ABCC5: variants seen among roughly 807,000 people sequenced by gnomAD.
ABCC5 encodes ATP binding cassette subfamily C member 5, also known as ATP-binding cassette sub-family C member 5.
A neutral mutation model predicts 160.9 loss-of-function variants in ABCC5; 61 were observed. That is an observed-to-expected ratio of 0.38 (90% CI 0.31 to 0.47). The LOEUF is 0.47. ABCC5 is among the 20% of genes least tolerant of loss of function. The probability of loss-of-function intolerance (pLI) is 0.99; values close to 1 mark genes in which losing one functional copy is unlikely to be tolerated. For missense variants in ABCC5, 1,308 were observed against 1,813.3 expected (o/e 0.72, Z 5.06); for synonymous variants, 666 against 700.6 (o/e 0.95, Z 0.78).
At chr3:183,974,440 C>G (rs983711835) in intron 10 of ABCC5, among the ~76,000 whole-genome samples, 7 of 152,230 alleles carry the variant, frequency 4.6e-5, no homozygotes, top group Middle Eastern at 3.4e-3. Context: ...TCCTGAGTAG[C>G]TGGGATTACA....
At chr3:183,955,017 T>C (rs763872278) in intron 17 of ABCC5, among the ~76,000 whole-genome samples, 2 of 151,958 alleles carry the variant, frequency 1.3e-5, no homozygotes, top group Non-Finnish European at 2.9e-5. Flanking sequence ...GAGTTGAAAT[T>C]AGCTTGAGTG....
intron 26 of ABCC5, among the ~76,000 whole-genome samples, chr3:183,936,741 C>G (rs1713763047): frequency 6.6e-6 from 1 of 152,200 alleles, no homozygotes; most frequent in Non-Finnish European, 1.5e-5. Context: ...ATCTCCTGAC[C>G]TCGTGATCCG....
intron 25 of ABCC5, among the ~76,000 whole-genome samples, chr3:183,939,411 C>T (rs1010105480): frequency 8.5e-5 from 13 of 152,060 alleles, no homozygotes; most frequent in African/African-American, 2.4e-4. Flanking sequence ...CCAGCCTGGG[C>T]GACAGAACGA....
intron 1 of ABCC5, among the ~76,000 whole-genome samples, chr3:184,016,359 G>C (rs370145819): frequency 2.0e-5 from 3 of 152,294 alleles, no homozygotes. Flanking sequence ...AGAGCAGGCA[G>C]GCCCAAAGTA....
At position 183,989,395 on chromosome 3, in the gene ABCC5, G is replaced by A. The variant is rs527520930; in HGVS notation, c.130-12C>T. 26 of 1,613,396 alleles carry A rather than the reference G, an allele frequency of 1.6e-5. No individual in the cohort carries two copies. The South Asian group carries it at 2.1e-4, about 13-fold the overall frequency. ...TCTTGGCATTCCAACTGTTCCAGCA[G>A]ATAGGGAGAAAGGCAAGAGCACAGT... On this transcript the variant is annotated splice_polypyrimidine_tract_variant and intron_variant, in intron 2 of 29. Transcript: ENST00000334444.
intron 22 of ABCC5, among the ~76,000 whole-genome samples, chr3:183,948,896 G>C (rs1715086168): frequency 6.6e-6 from 1 of 151,842 alleles, no homozygotes; most frequent in Non-Finnish European, 1.5e-5. Flanking sequence ...TAGAGACAAG[G>C]TTCCACCATG....
chr3:183,987,468 G>A lies in ABCC5; in HGVS notation c.591+302C>T. The A allele has an allele frequency of 1.7e-6, 1 of 595,546 alleles. No homozygotes were observed. 36.9% of individuals were successfully genotyped at this position (595,546 alleles called of 1,614,324 possible). ...ATAGCACTGCAAGACACATCTGCCT[G>A]CACCGACTGTCAGTTCATGTTAACA... On this transcript the variant is annotated intron_variant, in intron 5 of 29. Transcript: ENST00000334444. This position sits in a 1 kb window ranked among gnomAD's most constrained non-coding sequence, Gnocchi z 4.2.
At chr3:184,001,384 T>C in intron 2 of ABCC5, 1 of 420,690 alleles carries the variant, frequency 2.4e-6, no homozygotes, top group Non-Finnish European at 4.2e-6. Flanking sequence ...GTATTTCTTT[T>C]TTCGTACTAA....
intron 2 of ABCC5, among the ~76,000 whole-genome samples, chr3:183,991,311 AAAAAAC>A (rs1719746632): frequency 6.6e-6 from 1 of 151,702 alleles, no homozygotes; most frequent in Admixed American, 6.6e-5. Flanking sequence ...AGAAGGAAAA[AAAAAAC>A]AAAAAACAAA....
At chr3:183,936,155 A>G (rs1236489771) in intron 26 of ABCC5, among the ~76,000 whole-genome samples, 1 of 152,134 alleles carries the variant, frequency 6.6e-6, no homozygotes, top group African/African-American at 2.4e-5. Context: ...TTCCGCGGGC[A>G]CACACCACAG....
Position 183,988,449 on chromosome 3 carries a change from G to A in ABCC5, c.443+123C>T. 8.1e-7 allele frequency: 1 copy of A among 1,241,586 alleles called. No homozygotes were observed. The allele number at this position is 1,241,586 out of a possible 1,614,324, so 76.9% of individuals were successfully genotyped here. A position where few individuals can be genotyped will look rare whatever the true frequency, so the allele number is the denominator to read the frequency against. On this transcript the variant is annotated intron_variant, in intron 4 of 29. Transcript: ENST00000334444. The surrounding 1 kb of genome is among the most constrained non-coding windows in gnomAD (Gnocchi z 4.4). ...AAGAGCAAAGAGAAAGTCATCCCCA[G>A]GCCGCCCGCCCTCCACTGGACAGCT...
intron 25 of ABCC5, among the ~76,000 whole-genome samples, chr3:183,938,849 T>C (rs1714006629): frequency 6.6e-6 from 1 of 152,106 alleles, no homozygotes; most frequent in South Asian, 2.1e-4. Flanking sequence ...CAGGGATAAA[T>C]AAACACATAC....
chr3:183,961,349 C>T (rs1234691453), intron 16 of ABCC5, among the ~76,000 whole-genome samples, 162 bp downstream of exon 16: 2 of 152,174 alleles, frequency 1.3e-5, no homozygotes, highest in African/African-American at 4.8e-5. Flanking sequence ...AGAGCAGAAT[C>T]AGTGTGTGAA....
At chr3:183,954,741 T>A (rs1303628436) in intron 17 of ABCC5, among the ~76,000 whole-genome samples, 2 of 151,970 alleles carry the variant, frequency 1.3e-5, no homozygotes, top group Non-Finnish European at 2.9e-5. Flanking sequence ...CTCAATCAAT[T>A]TAGGAGTTAA....
rs933092733 is a variant in ABCC5 at position 183,921,107 on chromosome 3, T to A, written c.*193A>T. 1.7e-5 allele frequency: 8 copies of A among 461,840 alleles called. 1 individual carries two copies. Among genetic ancestry groups the A allele is most frequent in the Admixed American group, 4.1e-5 (1 of 24,210 alleles). 28.6% of individuals were successfully genotyped at this position (461,840 alleles called of 1,614,324 possible). A position where few individuals can be genotyped will look rare whatever the true frequency, so the allele number is the denominator to read the frequency against. On this transcript the variant is annotated 3_prime_UTR_variant, in exon 30 of 30. Coordinates refer to ENST00000334444, the MANE Select transcript of ABCC5 (RefSeq NM_005688.4). The surrounding 1 kb of genome is among the most constrained non-coding windows in gnomAD (Gnocchi z 4.1). ...GAACAAAAACTAAATTTTGTTTACA[T>A]GAATATGGAATAAATACAATAATCA...
intron 26 of ABCC5, among the ~76,000 whole-genome samples, chr3:183,931,790 A>G (rs1713206087): frequency 6.6e-6 from 1 of 152,252 alleles, no homozygotes; most frequent in Admixed American, 6.5e-5. Context: ...GAGCTCAATC[A>G]GGAATGGAAA....
chr3:183,989,368 C>T lies in ABCC5; in HGVS notation c.145G>A (p.Ala49Thr). The change falls in exon 3 of 30, where the codon GCC becomes ACC. Residue 49 changes from alanine (A) to threonine (T), a missense_variant. Transcript: ENST00000334444. Reference sequence around the variant, plus strand: ...TCGGCTCGGGCTGCTGTTTCCAAGGCATCTTGGCATTCCAACTGTTCCAGC... The same window carrying T: ...TCGGCTCGGGCTGCTGTTTCCAAGGTATCTTGGCATTCCAACTGTTCCAGC... ...RRTRPLECQD[A>T]LETAARAEGL... 6.2e-7 allele frequency: 1 copy of T among 1,613,858 alleles called. No homozygotes were observed.
At chr3:183,967,614 C>T (rs559964805) in intron 12 of ABCC5, 81 bp downstream of exon 12, 2 of 1,244,114 alleles carry the variant, frequency 1.6e-6, no homozygotes, top group Non-Finnish European at 2.4e-6. Flanking sequence ...TTTCCTGACT[C>T]TCCAGGAAAT....
At chr3:183,943,092 G>A (rs1275366201) in intron 24 of ABCC5, among the ~76,000 whole-genome samples, 176 bp from the exon 25 acceptor site, 2 of 152,132 alleles carry the variant, frequency 1.3e-5, no homozygotes, top group African/African-American at 2.4e-5. Context: ...CACTAAACTC[G>A]ACAGAGACAG....
Sources: gnomAD v4.1 joint callset for allele counts (sites outside exome capture counted in the v4.1 genomes callset) on GRCh38, gnomAD v4.1.1 for gene constraint, Gnocchi (gnomAD v3.1) non-coding constraint, MANE v1.5 for transcripts, NCBI Gene and HGNC (gene_info 2026-07-23, HGNC 2026-07-21) for gene names.